The following PDS5B variants were observed in gnomAD, a reference collection of about 807,000 sequenced individuals.
PDS5B encodes the protein PDS5 cohesin associated factor B.
Under a neutral mutation model 184.1 loss-of-function variants are expected in PDS5B, and 51 were observed. The observed-to-expected ratio is 0.28, with a 90% confidence interval of 0.22 to 0.35. The LOEUF is 0.35. Ranked by LOEUF, PDS5B falls within the 10% of genes least tolerant of loss-of-function variation. The probability of loss-of-function intolerance (pLI) is 1.00; values close to 1 mark genes in which losing one functional copy is unlikely to be tolerated. For missense variants in PDS5B, 1,180 were observed against 1,723.3 expected (o/e 0.68, Z 5.58); for synonymous variants, 566 against 569.2 (o/e 0.99, Z 0.08).
At chr13:32,635,170 GTTTTTTTTTTTTTTTTTTTTTTTTTTTTT>G (rs71071054) in intron 1 of PDS5B, among the ~76,000 whole-genome samples, 1,343 of 81,110 alleles carry the variant, frequency 0.017, 54 homozygotes, top group African/African-American at 0.046. Context: ...AGCCAATTAC[GTTTTTTTTTTTTTTTTTTTTTTTTTTTTT>G]TTTTTTTTTT....
chr13:32,707,382 A>G (rs1051267513), intron 18 of PDS5B, among the ~76,000 whole-genome samples: 2 of 151,910 alleles, frequency 1.3e-5, no homozygotes, highest in Non-Finnish European at 2.9e-5. Context: ...TCTGTCTTTT[A>G]CTGATTGTAA....
At chr13:32,655,360 A>ATATATATATATATG (rs1491515545) in intron 3 of PDS5B, among the ~76,000 whole-genome samples, 519 of 24,816 alleles carry the variant, frequency 0.021, 8 homozygotes, top group African/African-American at 0.11. Flanking sequence ...GTTCTTTGCC[A>ATATATATATATATG]TATATATATA....
intron 9 of PDS5B, among the ~76,000 whole-genome samples, chr13:32,676,952 A>C (rs1250783843): frequency 6.6e-6 from 1 of 151,734 alleles, no homozygotes; most frequent in African/African-American, 2.4e-5. Context: ...AAAAAAAAAA[A>C]AAAAGATTTA....
chr13:32,637,214 G>A (rs2058576946), intron 1 of PDS5B, among the ~76,000 whole-genome samples: 1 of 59,736 alleles, frequency 1.7e-5, no homozygotes, highest in Non-Finnish European at 3.2e-5. Flanking sequence ...TGAAGTAATG[G>A]CTAATGATTT....
At chr13:32,627,829 C>T (rs9591185) in intron 1 of PDS5B, among the ~76,000 whole-genome samples, 55,593 of 151,820 alleles carry the variant, frequency 0.37, 10,724 homozygotes, top group Non-Finnish European at 0.44. Context: ...TCTTGCATAC[C>T]GTTTGAGATC....
Position 32,693,908 on chromosome 13 carries a change from TTA to T in PDS5B, c.1470-313_1470-312del, listed in dbSNP as rs985707074. 7.2e-5 allele frequency among the ~76,000 whole-genome samples: 11 copies of T among 151,846 alleles called. 1 individual carries two copies. In the East Asian group the frequency reaches 1.3e-3, roughly 19 times the overall value. On this transcript the variant is annotated intron_variant, in intron 13 of 34. Transcript: ENST00000315596. ...ATTCTCTCATAACTAATTCTTCTTT[TTA>T]TGTTTTTGATTCCATTTCATCCTTC...
rs1954998123 is a variant in PDS5B at position 32,777,810 on chromosome 13, T to A, written c.*2758T>A. On this transcript the variant is annotated 3_prime_UTR_variant, in exon 35 of 35. Coordinates refer to ENST00000315596, the MANE Select transcript of PDS5B (RefSeq NM_015032.4). ...GTATTAAAGGTTAAATTGCTTTCTA[T>A]ATCTTCTTATAACTTGTAAGTCTGA... 1 of 152,458 alleles carries A rather than the reference T, an allele frequency of 6.6e-6. No individual in the cohort carries two copies. The highest frequency in any genetic ancestry group is 2.4e-5 in the African/African-American group (1 of 41,454). The allele number at this position is 152,458 out of a possible 1,614,324, so 9.4% of individuals were successfully genotyped here. A position where few individuals can be genotyped will look rare whatever the true frequency, so the allele number is the denominator to read the frequency against.
At chr13:32,746,136 G>T in intron 24 of PDS5B, 36 bp downstream of exon 24, 1 of 1,573,312 alleles carries the variant, frequency 6.4e-7, no homozygotes, top group Non-Finnish European at 8.7e-7. Flanking sequence ...CTTTTTGAAG[G>T]TCTTTGACTT....
At chr13:32,623,339 C>T (rs2058327414) in intron 1 of PDS5B, among the ~76,000 whole-genome samples, 1 of 152,136 alleles carries the variant, frequency 6.6e-6, no homozygotes, top group Admixed American at 6.6e-5. Context: ...GGCTAGGGGA[C>T]AATGACTGGT....
intron 1 of PDS5B, among the ~76,000 whole-genome samples, chr13:32,609,078 A>T (rs2058103025): frequency 6.6e-6 from 1 of 152,190 alleles, no homozygotes; most frequent in South Asian, 2.1e-4. Context: ...CTTGTCATAC[A>T]CACCTCTTTT....
chr13:32,759,495 G>C (rs899846301), intron 28 of PDS5B, 133 bp from the exon 29 acceptor site: 2 of 463,582 alleles, frequency 4.3e-6, no homozygotes, highest in Non-Finnish European at 7.6e-6. Flanking sequence ...GTTAAAATCA[G>C]TGACTGAAAT....
intron 23 of PDS5B, among the ~76,000 whole-genome samples, chr13:32,743,295 T>A (rs985663501): frequency 1.2e-4 from 16 of 137,496 alleles, no homozygotes; most frequent in Non-Finnish European, 4.7e-5. Flanking sequence ...TGCTTTAACT[T>A]CTTGGTCCCT....
intron 6 of PDS5B, among the ~76,000 whole-genome samples, chr13:32,659,573 A>C (rs1376207100): frequency 6.6e-6 from 1 of 152,182 alleles, no homozygotes; most frequent in Non-Finnish European, 1.5e-5. Context: ...TACATAACTT[A>C]CTTGTCAGAA....
At chr13:32,695,457 G>A (rs1206786719) in intron 14 of PDS5B, among the ~76,000 whole-genome samples, 1 of 151,856 alleles carries the variant, frequency 6.6e-6, no homozygotes, top group Non-Finnish European at 1.5e-5. Flanking sequence ...AAGTTAGTGT[G>A]TTTTCATTAA....
intron 31 of PDS5B, 138 bp downstream of exon 31, chr13:32,764,732 G>A: frequency 2.1e-6 from 1 of 475,076 alleles, no homozygotes; most frequent in South Asian, 4.0e-5. Context: ...ACAAACCTGA[G>A]TTTATAATTA....
chr13:32,768,102 T>C (rs1043028038), intron 31 of PDS5B, among the ~76,000 whole-genome samples: 2 of 152,226 alleles, frequency 1.3e-5, no homozygotes, highest in Non-Finnish European at 1.5e-5. Flanking sequence ...CTTAGTCAGC[T>C]CAAGCTGCCA....
chr13:32,746,850 C>A (rs1478292275), intron 24 of PDS5B, among the ~76,000 whole-genome samples: 1 of 152,114 alleles, frequency 6.6e-6, no homozygotes, highest in Non-Finnish European at 1.5e-5. Context: ...GCAAATGACC[C>A]AAAAATTGCT....
At chr13:32,710,667 T>TA (rs1952176285) in intron 19 of PDS5B, among the ~76,000 whole-genome samples, 1 of 152,148 alleles carries the variant, frequency 6.6e-6, no homozygotes, top group Non-Finnish European at 1.5e-5. Context: ...TGGCACTGCT[T>TA]ACTTCTCTAT....
intron 31 of PDS5B, among the ~76,000 whole-genome samples, chr13:32,766,810 T>G (rs1205505702): frequency 6.6e-6 from 1 of 152,218 alleles, no homozygotes; most frequent in Admixed American, 6.5e-5. Context: ...TAGATTAGTA[T>G]TCTCAAGAAA....
Sources: gnomAD v4.1 joint callset for allele counts (sites outside exome capture counted in the v4.1 genomes callset) on GRCh38, gnomAD v4.1.1 for gene constraint, MANE v1.5 for transcripts, NCBI Gene and HGNC (gene_info 2026-07-23, HGNC 2026-07-21) for gene names.